The following HNRNPA1L2 variants were observed in gnomAD, a reference collection of about 807,000 sequenced individuals.
The protein encoded by HNRNPA1L2 is heterogeneous nuclear ribonucleoprotein A1 like 2.
Under a neutral mutation model 18.2 loss-of-function variants are expected in HNRNPA1L2, and 10 were observed. The ratio of observed to expected loss-of-function variants is 0.55; its 90% CI spans 0.34 to 0.93. The LOEUF is 0.93. HNRNPA1L2 is among the 40% of genes least tolerant of loss of function. The pLI is 0.02. For synonymous variants in HNRNPA1L2, 124 were observed against 138.6 expected (o/e 0.89, Z 0.74); for missense variants, 308 against 394.4 (o/e 0.78, Z 1.85).
At chr13:52,617,596 C>G in the HNRNPA1L2 span, 13 of 468,914 alleles carry the variant, frequency 2.8e-5, no homozygotes, top group East Asian at 3.2e-4. Flanking sequence ...CTCTTCGCAC[C>G]CTTTCCTGCC....
upstream of HNRNPA1L2, chr13:52,641,497 A>G (rs1961654300): frequency 6.6e-6 from 1 of 151,972 alleles, no homozygotes; most frequent in Non-Finnish European, 1.5e-5. Context: ...CTTCTGTAAT[A>G]TTTTCCCCCT....
chr13:52,643,764 T>A lies in HNRNPA1L2; in HGVS notation c.*309T>A, dbSNP rs143691199. On this transcript the variant is annotated 3_prime_UTR_variant, in exon 1 of 1. Coordinates refer to ENST00000357495, the MANE Select transcript of HNRNPA1L2 (RefSeq NM_001389320.1). ...ATTGCTAAATGTAATAGTCTGATTG[T>A]GACGCTGAATAAATGTCTCTAAAAA... is the stretch of plus-strand genomic sequence containing the variant. 9.4e-4 allele frequency: 376 copies of A among 400,636 alleles called. 1 individual carries two copies. Among genetic ancestry groups the A allele is most frequent in the African/African-American group, 5.7e-3 (278 of 48,736 alleles). 24.8% of individuals were successfully genotyped at this position (400,636 alleles called of 1,614,324 possible).
At position 52,642,938 on chromosome 13, in the gene HNRNPA1L2, C is replaced by T. The variant is rs1157743286; in HGVS notation, c.446C>T (p.Ala149Val). The T allele has an allele frequency of 6.3e-7, 1 of 1,597,026 alleles. No individual in the cohort carries two copies. Among genetic ancestry groups the T allele is most frequent in the East Asian group, 2.2e-5 (1 of 44,886 alleles). ...GGCAGTGGCAAGAAAAGGGGCTTTG[C>T]CTTTGTAACCTTTGACGACCATGAC... The part of the protein sequence containing the change: ...DRGSGKKRGF[A>V]FVTFDDHDSV... Residue 149 changes from alanine (A) to valine (V), a missense_variant, in exon 1 of 1, where the codon GCC becomes GTC. Coordinates refer to ENST00000357495, the MANE Select transcript of HNRNPA1L2 (RefSeq NM_001389320.1).
rs759935229 is a variant in HNRNPA1L2 at position 52,642,706 on chromosome 13, A to G, written c.214A>G (p.Met72Val). Reference protein sequence around the residue: ...YATVEEVDAAMNTTPHKVDGR... With the variant: ...YATVEEVDAAVNTTPHKVDGR... Reference sequence around the variant, plus strand: ...CACTGTGGAGGAGGTGGATGCAGCTATGAATACAACGCCACACAAGGTGGA... The same window carrying G: ...CACTGTGGAGGAGGTGGATGCAGCTGTGAATACAACGCCACACAAGGTGGA... Residue 72 changes from methionine (M) to valine (V), a missense_variant, in exon 1 of 1, where the codon ATG becomes GTG. By Grantham distance (21) the Met-to-Val change is conservative. Coordinates refer to ENST00000357495, the MANE Select transcript of HNRNPA1L2 (RefSeq NM_001389320.1). 6 of 1,606,300 alleles carry G rather than the reference A, an allele frequency of 3.7e-6. No homozygotes were observed. Among genetic ancestry groups the G allele is most frequent in the Non-Finnish European group, 5.1e-6 (6 of 1,179,826 alleles).
upstream of HNRNPA1L2, among the ~76,000 whole-genome samples, chr13:52,639,902 T>TGTTTTTTG (rs375778457): frequency 3.4e-5 from 5 of 146,158 alleles, no homozygotes; most frequent in South Asian, 2.2e-4. Flanking sequence ...TTTTGTTTTT[T>TGTTTTTTG]TTTTTTTGAG....
the HNRNPA1L2 span, among the ~76,000 whole-genome samples, chr13:52,626,693 A>T: frequency 6.6e-6 from 1 of 151,676 alleles, no homozygotes; most frequent in Non-Finnish European, 1.5e-5. Context: ...ATAATGATTG[A>T]TGGCTTTTTT....
the HNRNPA1L2 span, chr13:52,617,538 G>C: frequency 7.1e-6 from 3 of 420,356 alleles, no homozygotes; most frequent in Non-Finnish European, 1.3e-5. Flanking sequence ...TGCTCTCCTG[G>C]ATGGCTTTAT....
At chr13:52,630,349 C>T in the HNRNPA1L2 span, among the ~76,000 whole-genome samples, 13 of 152,134 alleles carry the variant, frequency 8.5e-5, no homozygotes, top group South Asian at 1.7e-3. Flanking sequence ...CCATCTTGGC[C>T]CACTGCAACC....
Position 52,642,810 on chromosome 13 carries a change from G to T in HNRNPA1L2, c.318G>T (p.Lys106Asn). Residue 106 changes from lysine (K) to asparagine (N), a missense_variant, in exon 1 of 1, where the codon AAG becomes AAT. Lys to Asn is a moderately conservative substitution (Grantham distance 94). Coordinates refer to ENST00000357495, the MANE Select transcript of HNRNPA1L2 (RefSeq NM_001389320.1). ...CAGGTGCCCACTTAACTGTGAAAAA[G>T]ATATTTGTTGGTGGCATTAAAGAAG... is the stretch of plus-strand genomic sequence containing the variant. ...QRPGAHLTVK[K>N]IFVGGIKEDT... 2.5e-6 allele frequency: 4 copies of T among 1,596,416 alleles called. No homozygotes were observed. The highest frequency in any genetic ancestry group is 3.4e-6 in the Non-Finnish European group (4 of 1,179,366).
chr13:52,623,655 A>G, the HNRNPA1L2 span, among the ~76,000 whole-genome samples: 1 of 152,192 alleles, frequency 6.6e-6, no homozygotes, highest in Non-Finnish European at 1.5e-5. Context: ...GCATGGGATT[A>G]GATGAGTCAT....
chr13:52,635,521 G>A, the HNRNPA1L2 span, among the ~76,000 whole-genome samples: 2 of 151,282 alleles, frequency 1.3e-5, no homozygotes, highest in African/African-American at 4.9e-5. Flanking sequence ...TTGACAAATA[G>A]ATACACCCGT....
At chr13:52,640,045 A>C (rs996254680), upstream of HNRNPA1L2, among the ~76,000 whole-genome samples, 1 of 151,992 alleles carries the variant, frequency 6.6e-6, no homozygotes, top group Non-Finnish European at 1.5e-5. Flanking sequence ...GGTTCAAGCA[A>C]TCCTCTCACT....
At chr13:52,639,900 T>G (rs1354385252), upstream of HNRNPA1L2, among the ~76,000 whole-genome samples, 212 of 143,088 alleles carry the variant, frequency 1.5e-3, 2 homozygotes, top group South Asian at 8.0e-3. Flanking sequence ...TTTTTTGTTT[T>G]TTTTTTTTTG....
the HNRNPA1L2 span, among the ~76,000 whole-genome samples, chr13:52,618,083 C>T: frequency 8.5e-5 from 13 of 152,126 alleles, no homozygotes; most frequent in Non-Finnish European, 1.5e-4. Flanking sequence ...GGTCATAAAC[C>T]CCAAGTAAGA....
At chr13:52,621,814 G>T in the HNRNPA1L2 span, among the ~76,000 whole-genome samples, 1 of 152,154 alleles carries the variant, frequency 6.6e-6, no homozygotes, top group African/African-American at 2.4e-5. Flanking sequence ...TATTGCACGA[G>T]GTTGAGGCAT....
the HNRNPA1L2 span, among the ~76,000 whole-genome samples, chr13:52,630,359 C>T: frequency 2.0e-5 from 3 of 152,180 alleles, no homozygotes; most frequent in African/African-American, 7.2e-5. Context: ...CCACTGCAAC[C>T]TCTGCCTCCT....
chr13:52,642,188 A>G (rs138281115), upstream of HNRNPA1L2: 26 of 398,614 alleles, frequency 6.5e-5, no homozygotes, highest in African/African-American at 5.0e-4. Flanking sequence ...GATCCCAACA[A>G]TGTGGGATGT....
rs897241109 is a variant in HNRNPA1L2, at chr13:52,643,596, T to A, written c.*141T>A. On this transcript the variant is annotated 3_prime_UTR_variant, in exon 1 of 1. Coordinates refer to ENST00000357495, the MANE Select transcript of HNRNPA1L2 (RefSeq NM_001389320.1). Reference sequence around the variant, plus strand: ...AAGAAGACATGTTTTAGACAAATACTCATGTGTATGGGCAAAAAACTCGAG... The same window carrying A: ...AAGAAGACATGTTTTAGACAAATACACATGTGTATGGGCAAAAAACTCGAG... 4 of 680,108 alleles carry A rather than the reference T, an allele frequency of 5.9e-6. No individual in the cohort carries two copies. The African/African-American group carries it at 7.1e-5, about 12-fold the overall frequency. The allele number at this position is 680,108 out of a possible 1,614,324, so 42.1% of individuals were successfully genotyped here.
chr13:52,636,565 G>A, the HNRNPA1L2 span, among the ~76,000 whole-genome samples: 1 of 152,166 alleles, frequency 6.6e-6, no homozygotes, highest in Non-Finnish European at 1.5e-5. Context: ...GTACTCAAGT[G>A]TTCATTAGCA....
Sources: allele counts gnomAD v4.1 joint callset (sites outside exome capture counted in the v4.1 genomes callset), GRCh38; gene constraint gnomAD v4.1.1; transcripts MANE v1.5; gene names NCBI Gene and HGNC (gene_info 2026-07-23, HGNC 2026-07-21).